GABRG3: variants seen among roughly 807,000 people sequenced by gnomAD.
GABRG3 encodes the protein gamma-aminobutyric acid receptor subunit gamma-3.
GABRG3 carries 25 observed loss-of-function variants against 48.8 expected under a neutral mutation model. That is an observed-to-expected ratio of 0.51 (90% confidence interval 0.37 to 0.72). The LOEUF (loss-of-function observed/expected upper bound fraction) is 0.72. Ranked by LOEUF, GABRG3 falls within the 30% of genes least tolerant of loss-of-function variation. GABRG3 has a pLI of 0.00. For missense variants in GABRG3, 394 were observed against 577.9 expected, an observed-to-expected ratio of 0.68 and a Z score of 3.26; for synonymous variants, 227 against 217.6, an observed-to-expected ratio of 1.04 and a Z score of -0.38.
At chr15:27,458,462 A>G (rs1889352307) in intron 5 of GABRG3, among the ~76,000 whole-genome samples, 2 of 152,184 alleles carry the variant, frequency 1.3e-5, no homozygotes, top group South Asian at 2.1e-4. Context: ...TGGGAATGTA[A>G]TCATCTTTCC....
At chr15:27,083,742 C>T (rs1174899232) in intron 3 of GABRG3, among the ~76,000 whole-genome samples, 1 of 152,170 alleles carries the variant, frequency 6.6e-6, no homozygotes, top group African/African-American at 2.4e-5. Flanking sequence ...TCATTCTTTC[C>T]AAACAGTGTC....
intron 3 of GABRG3, among the ~76,000 whole-genome samples, chr15:27,294,504 C>T (rs1035614777): frequency 6.6e-6 from 1 of 152,160 alleles, no homozygotes; most frequent in South Asian, 2.1e-4. Context: ...ATGTGAGCCA[C>T]CACACCTGGC....
At chr15:27,382,851 C>A (rs12917494) in intron 5 of GABRG3, among the ~76,000 whole-genome samples, 1 of 151,676 alleles carries the variant, frequency 6.6e-6, no homozygotes, top group African/African-American at 2.4e-5. Context: ...TTCGGTGGAA[C>A]GATTAGGGAA....
At chr15:27,397,820 T>G (rs1036680486) in intron 5 of GABRG3, among the ~76,000 whole-genome samples, 1 of 150,926 alleles carries the variant, frequency 6.6e-6, no homozygotes, top group African/African-American at 2.4e-5. Context: ...TTTTTTTTTT[T>G]TTGAGACGGA....
intron 5 of GABRG3, among the ~76,000 whole-genome samples, chr15:27,378,093 T>C (rs1226394947): frequency 6.6e-6 from 1 of 152,086 alleles, no homozygotes; most frequent in Non-Finnish European, 1.5e-5. Flanking sequence ...CTATGTATGA[T>C]ATCCCTTCCT....
At position 27,470,264 on chromosome 15, in the gene GABRG3, G is replaced by A. The variant is rs191877601; in HGVS notation, c.575-10386G>A. On this transcript the variant is annotated intron_variant, in intron 5 of 9. Transcript: ENST00000615808. The stretch of plus-strand genomic sequence containing the variant: ...TCTCTCTTTTTTTTTTTCTTGAGGC[G>A]GAGTCTCGCTCTGTAATGGCGCGAT... 2.2e-3 allele frequency among the ~76,000 whole-genome samples: 327 copies of A among 148,332 alleles called. 1 individual carries two copies. Among genetic ancestry groups the A allele is most frequent in the African/African-American group, 6.9e-3 (278 of 40,300 alleles).
chr15:27,388,640 CTG>C (rs763587253), intron 5 of GABRG3, among the ~76,000 whole-genome samples: 8 of 152,082 alleles, frequency 5.3e-5, no homozygotes, highest in Non-Finnish European at 1.2e-4. Flanking sequence ...AGATGATTGG[CTG>C]TGTTATCTTA....
intron 2 of GABRG3, among the ~76,000 whole-genome samples, chr15:26,997,899 T>C (rs1373012589): frequency 6.6e-6 from 1 of 152,228 alleles, no homozygotes; most frequent in Non-Finnish European, 1.5e-5. Flanking sequence ...TAATTTTATT[T>C]AAAGCCTAGT....
chr15:27,211,393 T>C (rs1595588502), intron 3 of GABRG3, among the ~76,000 whole-genome samples: 1 of 138,142 alleles, frequency 7.2e-6, no homozygotes, highest in South Asian at 2.4e-4. Context: ...AGGAAACAAA[T>C]AATCCGTGAA....
chr15:27,252,285 C>G (rs1031585181), intron 3 of GABRG3, among the ~76,000 whole-genome samples: 1 of 152,188 alleles, frequency 6.6e-6, no homozygotes, highest in Non-Finnish European at 1.5e-5. Flanking sequence ...GAGTTGCAGT[C>G]AGAACTGGCC....
chr15:27,000,212 C>T (rs112803491), intron 2 of GABRG3, among the ~76,000 whole-genome samples: 1,565 of 152,262 alleles, frequency 0.01, 26 homozygotes, highest in African/African-American at 0.036. Context: ...ACATTTCAGA[C>T]ACTGTGAATT....
At chr15:27,532,460 C>A (rs2150866844) in intron 9 of GABRG3, 140 bp from the exon 10 acceptor site, 3 of 627,684 alleles carry the variant, frequency 4.8e-6, no homozygotes, top group Non-Finnish European at 7.3e-6. Flanking sequence ...CCAACTCTCT[C>A]CAGCATGGGG....
At chr15:27,163,879 G>C (rs1887287293) in intron 3 of GABRG3, among the ~76,000 whole-genome samples, 1 of 152,172 alleles carries the variant, frequency 6.6e-6, no homozygotes, top group Non-Finnish European at 1.5e-5. Flanking sequence ...GAACGTGCAG[G>C]TCTTCTTGGC....
chr15:27,402,758 A>T (rs937172344), intron 5 of GABRG3, among the ~76,000 whole-genome samples: 4 of 152,260 alleles, frequency 2.6e-5, no homozygotes, highest in Admixed American at 1.3e-4. Context: ...CAGGGTTAAT[A>T]GAAAATGCAC....
chr15:26,994,741 T>A (rs1895309409), intron 2 of GABRG3, among the ~76,000 whole-genome samples: 1 of 152,052 alleles, frequency 6.6e-6, no homozygotes, highest in South Asian at 2.1e-4. Context: ...TTCTTCATTT[T>A]CCACACTTTT....
At chr15:27,164,970 C>A (rs1887325633) in intron 3 of GABRG3, among the ~76,000 whole-genome samples, 1 of 152,146 alleles carries the variant, frequency 6.6e-6, no homozygotes, top group Non-Finnish European at 1.5e-5. Context: ...GTTCCAAAAG[C>A]AGATCAGTAA....
intron 3 of GABRG3, among the ~76,000 whole-genome samples, chr15:27,050,204 A>C (rs1896434081): frequency 6.6e-6 from 1 of 152,222 alleles, no homozygotes; most frequent in Non-Finnish European, 1.5e-5. Flanking sequence ...TTGATGACAC[A>C]CAAAGAGATT....
chr15:27,407,871 T>C (rs1289398553), intron 5 of GABRG3, among the ~76,000 whole-genome samples: 1 of 152,208 alleles, frequency 6.6e-6, no homozygotes, highest in Non-Finnish European at 1.5e-5. Context: ...GAAACTACTC[T>C]GTACGATATT....
rs149331343 is a variant in GABRG3, at chr15:27,475,860, A to G, written c.575-4790A>G. Among the ~76,000 whole-genome samples, 813 of 152,014 alleles carry G rather than the reference A, an allele frequency of 5.3e-3. 7 individuals carry two copies. Among genetic ancestry groups the G allele is most frequent in the African/African-American group, 0.018 (749 of 41,452 alleles). On this transcript the variant is annotated intron_variant, in intron 5 of 9. Coordinates refer to ENST00000615808, the MANE Select transcript of GABRG3 (RefSeq NM_033223.5). ...GGTATTGATGATTGTGATGGTGATG[A>G]TGATGGAGGTGGTGATAATGTTAAT...
Sources: gnomAD v4.1 joint callset for allele counts (sites outside exome capture counted in the v4.1 genomes callset) on GRCh38, gnomAD v4.1.1 for gene constraint, MANE v1.5 for transcripts, NCBI Gene and HGNC (gene_info 2026-07-23, HGNC 2026-07-21) for gene names.